Variants in STS observed in about 807,000 individuals in gnomAD.
STS encodes the protein steryl-sulfatase.
In STS, 7 loss-of-function variants were observed where a neutral mutation model predicts 26.8. The ratio of observed to expected loss-of-function variants is 0.26; its 90% CI spans 0.15 to 0.49. STS has a LOEUF of 0.49. STS is among the 20% of genes least tolerant of loss of function. The pLI, the probability that STS is intolerant of heterozygous loss-of-function variation, is 0.98. For missense variants in STS, 434 were observed against 465.6 expected (o/e 0.93, Z 0.63); for synonymous variants, 199 against 189.4 (o/e 1.05, Z -0.42).
At chrX:7,155,960 G>A (rs1224559632) in intron 1 of STS, among the ~76,000 whole-genome samples, 1 of 110,794 alleles carries the variant, frequency 9.0e-6, no homozygotes, top group African/African-American at 3.3e-5. Flanking sequence ...ACCAGCCTGG[G>A]CAACATGGTG....
chrX:7,331,961 T>C (rs1927770951), intron 9 of STS, among the ~76,000 whole-genome samples: 3 of 110,468 alleles, frequency 2.7e-5, no homozygotes, highest in African/African-American at 9.9e-5. Context: ...GAATAAACTT[T>C]GTGCCCCTCC....
chrX:7,196,138 G>A (rs1933968487), intron 2 of STS, among the ~76,000 whole-genome samples: 1 of 111,932 alleles, frequency 8.9e-6, no homozygotes, highest in Non-Finnish European at 1.9e-5. Context: ...CTGTGTATCT[G>A]GGCAATATCC....
At chrX:7,332,359 G>C (rs1208156085) in intron 9 of STS, among the ~76,000 whole-genome samples, 1 of 106,286 alleles carries the variant, frequency 9.4e-6, no homozygotes, top group Non-Finnish European at 1.9e-5. Context: ...GAAAAATACT[G>C]ATCTTAAGAC....
chrX:7,182,791 T>C (rs757651540), intron 1 of STS, among the ~76,000 whole-genome samples: 10 of 111,212 alleles, frequency 9.0e-5, no homozygotes, highest in Non-Finnish European at 1.7e-4. Flanking sequence ...AGATGGGACC[T>C]TACAGAAGGG....
intron 9 of STS, 53 bp downstream of exon 9, chrX:7,325,551 G>T: frequency 1.7e-6 from 2 of 1,184,046 alleles, no homozygotes; most frequent in Non-Finnish European, 2.3e-6. Context: ...TCACAGCCCA[G>T]TATGCTCTGG....
chrX:7,348,291 C>T (rs375272669), intron 10 of STS, among the ~76,000 whole-genome samples: 3 of 111,996 alleles, frequency 2.7e-5, no homozygotes, highest in East Asian at 2.8e-4. Context: ...TGGTTTAAAC[C>T]GATTGCATTA....
chrX:7,327,172 G>T (rs1172816762), intron 9 of STS, among the ~76,000 whole-genome samples: 11 of 110,880 alleles, frequency 9.9e-5, no homozygotes, highest in African/African-American at 3.6e-4. Flanking sequence ...GTGGCCACAA[G>T]GAATGTCCAT....
In STS at chrX:7,349,906, C is replaced by G; in HGVS notation, c.1382C>G (p.Ala461Gly). Reference protein sequence around the residue: ...HPQNSTSIWKAFFFTPNFNPV... With the variant: ...HPQNSTSIWKGFFFTPNFNPV... ...ACCACAGGCACATCCATCTGGAAGG[C>G]CTTTTTCTTCACCCCCAACTTCAAC... The change falls in exon 11 of 11, where the codon GCC becomes GGC. Residue 461 changes from alanine (A) to glycine (G), a missense_variant. Ala to Gly is a moderately conservative substitution (Grantham distance 60). Coordinates refer to ENST00000674429, the MANE Select transcript of STS (RefSeq NM_001320752.2). The G allele has an allele frequency of 8.3e-7, 1 of 1,211,787 alleles. No homozygotes were observed.
intron 2 of STS, among the ~76,000 whole-genome samples, chrX:7,242,828 T>A (rs774615528): frequency 2.0e-4 from 22 of 111,550 alleles, no homozygotes; most frequent in Non-Finnish European, 3.6e-4. Context: ...GTTTGGTACT[T>A]GTGCATTTCC....
At chrX:7,324,443 G>C (rs1233987322) in intron 8 of STS, among the ~76,000 whole-genome samples, 1 of 111,924 alleles carries the variant, frequency 8.9e-6, no homozygotes, top group Non-Finnish European at 1.9e-5. Context: ...GACCCCAAAA[G>C]AGAAGGAGAT....
chrX:7,320,031 T>A (rs1265466596), intron 8 of STS, among the ~76,000 whole-genome samples: 1 of 94,486 alleles, frequency 1.1e-5, no homozygotes, highest in Non-Finnish European at 2.0e-5. Context: ...TATTTATATA[T>A]ATATTTATAT....
intron 7 of STS, among the ~76,000 whole-genome samples, chrX:7,282,403 G>A (rs1924912922): frequency 8.9e-6 from 1 of 111,903 alleles, no homozygotes; most frequent in Non-Finnish European, 1.9e-5. Flanking sequence ...GTCTCACTAT[G>A]TTGCCCAGGC....
intron 2 of STS, among the ~76,000 whole-genome samples, chrX:7,252,090 C>T (rs1350644939): frequency 1.8e-5 from 2 of 111,131 alleles, no homozygotes; most frequent in African/African-American, 6.6e-5. Flanking sequence ...GACTCCCCCA[C>T]CTAGAATAAA....
intron 2 of STS, among the ~76,000 whole-genome samples, chrX:7,217,575 A>C (rs1447857622): frequency 8.9e-6 from 1 of 111,848 alleles, no homozygotes; most frequent in African/African-American, 3.3e-5. Flanking sequence ...TATGAGAGCC[A>C]GTTCTAGTCC....
chrX:7,312,083 G>A (rs1028720795), intron 8 of STS, among the ~76,000 whole-genome samples: 8 of 111,821 alleles, frequency 7.2e-5, no homozygotes, highest in Non-Finnish European at 1.5e-4. Context: ...CTCATCCACT[G>A]AAAATACAAT....
At chrX:7,248,811 ATTCTT>A (rs1164395019) in intron 2 of STS, among the ~76,000 whole-genome samples, 2 of 111,293 alleles carry the variant, frequency 1.8e-5, no homozygotes, top group African/African-American at 6.5e-5. Flanking sequence ...CATCTCTAGA[ATTCTT>A]TTCATCTTGC....
In STS at chrX:7,257,515, G is replaced by A. The variant is rs1157895069; in HGVS notation, c.309G>A (p.Ser103=). The A allele has an allele frequency of 4.1e-5, 50 of 1,210,471 alleles. No homozygotes were observed. The highest frequency in any genetic ancestry group is 5.9e-5 in the East Asian group (2 of 33,763). Reference sequence around the variant, plus strand: ...GAGTTTTCCTCTTCACAGCCTCTTCGGGAGGACTTCCCACCGATGAGATTA... The same window carrying A: ...GAGTTTTCCTCTTCACAGCCTCTTCAGGAGGACTTCCCACCGATGAGATTA... ...RTGVFLFTAS[S]GGLPTDEITF... is the part of the protein sequence containing the mutation. Residue 103 remains serine, a synonymous_variant, in exon 5 of 11, where the codon TCG becomes TCA. Coordinates refer to ENST00000674429, the MANE Select transcript of STS (RefSeq NM_001320752.2).
At chrX:7,342,060 G>A (rs1214613109) in intron 10 of STS, among the ~76,000 whole-genome samples, 1 of 111,268 alleles carries the variant, frequency 9.0e-6, no homozygotes, top group Admixed American at 9.6e-5. Context: ...GATCCACCCC[G>A]CCTCGGCCTC....
intron 6 of STS, among the ~76,000 whole-genome samples, chrX:7,272,570 A>G (rs1392067633): frequency 8.9e-6 from 1 of 112,144 alleles, no homozygotes; most frequent in African/African-American, 3.2e-5. Context: ...AGTCTAAACC[A>G]TATGCAACAT....
Sources: allele counts gnomAD v4.1 joint callset (sites outside exome capture counted in the v4.1 genomes callset), GRCh38; gene constraint gnomAD v4.1.1; transcripts MANE v1.5; gene names NCBI Gene and HGNC (gene_info 2026-07-23, HGNC 2026-07-21).